The following SLC9A9 variants were observed in gnomAD, a reference collection of about 807,000 sequenced individuals.
SLC9A9 encodes sodium/hydrogen exchanger 9.
Under a neutral mutation model 77.8 loss-of-function variants are expected in SLC9A9, and 62 were observed. That is an observed-to-expected ratio of 0.80 (90% CI 0.65 to 0.98). The LOEUF is 0.98. Ranked by LOEUF, SLC9A9 falls within the 50% of genes least tolerant of loss-of-function variation. The pLI is 0.00. For synonymous variants in SLC9A9, 320 were observed against 283.5 expected (o/e 1.13, Z -1.29); for missense variants, 775 against 774.9 (o/e 1.00, Z 0.00).
chr3:143,292,749 G>A (rs1242689804), intron 14 of SLC9A9, among the ~76,000 whole-genome samples: 2 of 152,008 alleles, frequency 1.3e-5, no homozygotes, highest in African/African-American at 4.8e-5. Context: ...TGGACACCTC[G>A]GAAGAGAGAT....
chr3:143,731,796 C>G (rs1456961521), intron 4 of SLC9A9, among the ~76,000 whole-genome samples: 1 of 152,118 alleles, frequency 6.6e-6, no homozygotes, highest in Admixed American at 6.5e-5. Context: ...TATCTTTTTC[C>G]TAGGTTATCT....
At chr3:143,844,967 G>T (rs2108901196) in intron 1 of SLC9A9, among the ~76,000 whole-genome samples, 2 of 152,052 alleles carry the variant, frequency 1.3e-5, no homozygotes, top group Middle Eastern at 6.8e-3. Flanking sequence ...TGGAAAGGGG[G>T]ATAGTACAAT....
At chr3:143,386,591 G>A (rs1214382097) in intron 12 of SLC9A9, among the ~76,000 whole-genome samples, 1 of 152,322 alleles carries the variant, frequency 6.6e-6, no homozygotes, top group Middle Eastern at 3.4e-3. Context: ...TTTTAAGAAT[G>A]TTAGCAGCTA....
chr3:143,704,469 C>T (rs985727888), intron 4 of SLC9A9, among the ~76,000 whole-genome samples: 1 of 152,050 alleles, frequency 6.6e-6, no homozygotes, highest in Admixed American at 6.6e-5. Flanking sequence ...AGAACAAAAA[C>T]CATATGATCA....
At chr3:143,703,646 T>C (rs1933868821) in intron 4 of SLC9A9, among the ~76,000 whole-genome samples, 1 of 152,034 alleles carries the variant, frequency 6.6e-6, no homozygotes, top group Admixed American at 6.6e-5. Flanking sequence ...CCTAATGATG[T>C]ATCTTAACGA....
intron 4 of SLC9A9, among the ~76,000 whole-genome samples, chr3:143,788,083 C>G (rs1207831833): frequency 6.6e-6 from 1 of 151,894 alleles, no homozygotes; most frequent in East Asian, 1.9e-4. Context: ...GAAACAGACA[C>G]CACAATATAT....
intron 5 of SLC9A9, among the ~76,000 whole-genome samples, chr3:143,669,952 G>A (rs766394192): frequency 6.6e-6 from 1 of 152,126 alleles, no homozygotes; most frequent in Non-Finnish European, 1.5e-5. Context: ...TAGTGGGTCA[G>A]TCCAGTATAA....
chr3:143,635,371 G>T (rs1432655183), intron 6 of SLC9A9, among the ~76,000 whole-genome samples: 1 of 152,156 alleles, frequency 6.6e-6, no homozygotes, highest in Non-Finnish European at 1.5e-5. Context: ...ACTGAAGGTG[G>T]GGCATAGACC....
intron 4 of SLC9A9, among the ~76,000 whole-genome samples, chr3:143,766,749 T>C (rs569992247): frequency 3.3e-5 from 5 of 152,192 alleles, no homozygotes; most frequent in African/African-American, 1.2e-4. Context: ...TTAAAAAATA[T>C]TTTTAGTAGA....
chr3:143,494,616 G>A (rs1288046488), intron 10 of SLC9A9, among the ~76,000 whole-genome samples: 1 of 152,272 alleles, frequency 6.6e-6, no homozygotes, highest in Admixed American at 6.5e-5. Flanking sequence ...CATCTTCCAA[G>A]TGGGAAGAAG....
intron 12 of SLC9A9, among the ~76,000 whole-genome samples, chr3:143,461,850 C>T (rs999544389): frequency 2.6e-5 from 4 of 152,118 alleles, no homozygotes; most frequent in Non-Finnish European, 5.9e-5. Context: ...CATTTCCTCA[C>T]CTCAGTAATC....
intron 4 of SLC9A9, among the ~76,000 whole-genome samples, chr3:143,747,997 C>G (rs1168554675): frequency 6.6e-6 from 1 of 152,108 alleles, no homozygotes; most frequent in African/African-American, 2.4e-5. Context: ...TGTGTCTCCA[C>G]GAACCCCTTT....
At chr3:143,618,625 C>T (rs932420203) in intron 6 of SLC9A9, among the ~76,000 whole-genome samples, 1 of 152,140 alleles carries the variant, frequency 6.6e-6, no homozygotes, top group Non-Finnish European at 1.5e-5. Flanking sequence ...ACCAACCTGG[C>T]ACGATGACAG....
intron 12 of SLC9A9, among the ~76,000 whole-genome samples, chr3:143,424,197 T>C (rs2034361369): frequency 6.6e-6 from 1 of 152,166 alleles, no homozygotes. Context: ...GTTAGTGTAT[T>C]TGAAAGTGAT....
chr3:143,649,306 T>G (rs903757683), intron 6 of SLC9A9, among the ~76,000 whole-genome samples: 1 of 152,208 alleles, frequency 6.6e-6, no homozygotes, highest in Admixed American at 6.5e-5. Context: ...TGCATACATG[T>G]TTGAGCATGA....
In SLC9A9 at chr3:143,606,436, C is replaced by CTCTCTCTCTCTATATATATA. The variant is rs1419410834; in HGVS notation, c.756-27714_756-27713insTATATATATAGAGAGAGAGA. Among the ~76,000 whole-genome samples the CTCTCTCTCTCTATATATATA allele has an allele frequency of 8.3e-4, 45 of 54,208 alleles. 1 individual carries two copies. Among genetic ancestry groups the CTCTCTCTCTCTATATATATA allele is most frequent in the African/African-American group, 3.1e-3 (40 of 13,054 alleles). The allele number at this position is 54,208 out of a possible 152,430, so 35.6% of individuals were successfully genotyped here. A position where few individuals can be genotyped will look rare whatever the true frequency, so the allele number is the denominator to read the frequency against. ...TCTCTCTCTCTCTCTCTCTCTCTCT[C>CTCTCTCTCTCTATATATATA]TATATATATATATATATATATATAT... On this transcript the variant is annotated intron_variant, in intron 6 of 15. Transcript: ENST00000316549.
chr3:143,511,844 C>T (rs1408921002), intron 9 of SLC9A9, among the ~76,000 whole-genome samples: 1 of 152,166 alleles, frequency 6.6e-6, no homozygotes, highest in Non-Finnish European at 1.5e-5. Flanking sequence ...TTGTGTCTTT[C>T]CACCATTTGT....
intron 1 of SLC9A9, among the ~76,000 whole-genome samples, chr3:143,836,848 C>A (rs1198037581): frequency 1.3e-5 from 2 of 152,134 alleles, no homozygotes; most frequent in Non-Finnish European, 2.9e-5. Flanking sequence ...ATGATTTTGC[C>A]CTTAAAATAT....
intron 6 of SLC9A9, among the ~76,000 whole-genome samples, chr3:143,616,299 A>G (rs535064832): frequency 9.9e-4 from 151 of 152,304 alleles, no homozygotes; most frequent in Non-Finnish European, 1.6e-3. Context: ...AAACATTAGA[A>G]ACAGTGAATT....
Sources: gnomAD v4.1 joint callset for allele counts (sites outside exome capture counted in the v4.1 genomes callset) on GRCh38, gnomAD v4.1.1 for gene constraint, MANE v1.5 for transcripts, NCBI Gene and HGNC (gene_info 2026-07-23, HGNC 2026-07-21) for gene names.